The following FBN1 variants were observed in gnomAD, a reference collection of about 807,000 sequenced individuals.
FBN1 encodes fibrillin 1, also known as fibrillin-1.
Under a neutral mutation model 365.1 loss-of-function variants are expected in FBN1, and 29 were observed. The ratio of observed to expected loss-of-function variants is 0.08; its 90% CI spans 0.06 to 0.11. FBN1 has a LOEUF of 0.11. Ranked by LOEUF, FBN1 falls within the 10% of genes least tolerant of loss-of-function variation. The pLI is 1.00. For synonymous variants in FBN1, 1,210 were observed against 1,270.5 expected (o/e 0.95, Z 1.01); for missense variants, 2,476 against 3,703.2 (o/e 0.67, Z 8.60).
At chr15:48,504,551 T>C (rs73392194) in intron 16 of FBN1, among the ~76,000 whole-genome samples, 2,791 of 152,320 alleles carry the variant, frequency 0.018, 72 homozygotes, top group African/African-American at 0.059. Flanking sequence ...TTAAAAATAA[T>C]CTGGATAAAA....
chr15:48,586,272 G>C (rs1215691724), intron 6 of FBN1, among the ~76,000 whole-genome samples: 1 of 152,076 alleles, frequency 6.6e-6, no homozygotes, highest in Admixed American at 6.6e-5. Context: ...TGAAATGTGG[G>C]TGGGGTCCGG....
At chr15:48,461,279 A>G (rs560976987) in intron 42 of FBN1, among the ~76,000 whole-genome samples, 3 of 152,320 alleles carry the variant, frequency 2.0e-5, no homozygotes, top group South Asian at 4.1e-4. Context: ...TCCAACATCA[A>G]GAAGAAATCT....
At chr15:48,615,543 C>G (rs950857211) in intron 2 of FBN1, among the ~76,000 whole-genome samples, 2 of 151,814 alleles carry the variant, frequency 1.3e-5, no homozygotes, top group African/African-American at 4.8e-5. Flanking sequence ...TTACAATTTA[C>G]TATAGTTACA....
chr15:48,436,593 T>G (rs111419515), intron 53 of FBN1, among the ~76,000 whole-genome samples: 2,139 of 152,324 alleles, frequency 0.014, 54 homozygotes, highest in African/African-American at 0.05. Context: ...GATAAAATTT[T>G]TATTTGATAA....
chr15:48,416,203 T>G (rs2004947), intron 63 of FBN1, among the ~76,000 whole-genome samples: 4,714 of 152,302 alleles, frequency 0.031, 115 homozygotes, highest in East Asian at 0.081. Flanking sequence ...GCTTCACAAG[T>G]GCCCAGCGAG....
intron 29 of FBN1, 45 bp downstream of exon 29, chr15:48,487,021 AACATAAAAT>A: frequency 8.0e-7 from 1 of 1,248,810 alleles, no homozygotes. Flanking sequence ...AACATAACAT[AACATAAAAT>A]AAAGTAAAAT....
intron 6 of FBN1, among the ~76,000 whole-genome samples, chr15:48,557,598 C>T (rs368196109): frequency 2.6e-5 from 4 of 152,030 alleles, no homozygotes; most frequent in South Asian, 2.1e-4. Context: ...GGCGTGTCAG[C>T]GACAAAGTTG....
At chr15:48,456,568 C>T in intron 44 of FBN1, 69 bp downstream of exon 44, 1 of 1,515,396 alleles carries the variant, frequency 6.6e-7, no homozygotes, top group Non-Finnish European at 9.1e-7. Context: ...GTGAAATTCG[C>T]CAAGTGTGTA....
chr15:48,480,683 T>G (rs1039157841), intron 32 of FBN1, among the ~76,000 whole-genome samples: 2 of 152,166 alleles, frequency 1.3e-5, no homozygotes, highest in African/African-American at 4.8e-5. Flanking sequence ...TATGTTGATA[T>G]AATTAAGAGG....
At chr15:48,474,417 G>A in intron 33 of FBN1, 40 bp from the exon 34 acceptor site, 1 of 1,613,280 alleles carries the variant, frequency 6.2e-7, no homozygotes, top group Middle Eastern at 1.6e-4. Flanking sequence ...CAGAAAGGGT[G>A]GTATTTAAAA....
chr15:48,420,916 C>T, intron 62 of FBN1, 110 bp from the exon 63 acceptor site: 1 of 1,249,276 alleles, frequency 8.0e-7, no homozygotes, highest in Non-Finnish European at 1.1e-6. Flanking sequence ...TATTCTACCA[C>T]CAAAAACTTC....
intron 31 of FBN1, 87 bp from the exon 32 acceptor site, chr15:48,481,867 C>T: frequency 1.5e-6 from 2 of 1,335,744 alleles, no homozygotes; most frequent in Non-Finnish European, 2.1e-6. Context: ...ATGACAAATA[C>T]ATTAGAAAAG....
At chr15:48,530,553 C>T (rs962349092) in intron 8 of FBN1, among the ~76,000 whole-genome samples, 3 of 149,832 alleles carry the variant, frequency 2.0e-5, no homozygotes, top group African/African-American at 7.4e-5. Flanking sequence ...TGACCTTCAC[C>T]GCAGAGATTT....
chr15:48,481,894 C>G (rs1349247732), intron 31 of FBN1, 114 bp from the exon 32 acceptor site: 2 of 1,092,538 alleles, frequency 1.8e-6, no homozygotes, highest in African/African-American at 3.2e-5. Context: ...TGCTTTCCCT[C>G]AGAAAAACAA....
chr15:48,430,806 TA>T lies in FBN1; in HGVS notation c.6740-5del. ...CCCTCTTCACACTCATCCTCATCTG[TA>T]AAAAATGTACAATCACAAATTTGTC... is the stretch of plus-strand genomic sequence containing the variant. On this transcript the variant is annotated splice_polypyrimidine_tract_variant and splice_region_variant and intron_variant, in intron 55 of 65. Coordinates refer to ENST00000316623, the MANE Select transcript of FBN1 (RefSeq NM_000138.5). The T allele has an allele frequency of 6.2e-7, 1 of 1,613,372 alleles. No individual in the cohort carries two copies. The highest frequency in any genetic ancestry group is 8.5e-7 in the Non-Finnish European group (1 of 1,179,664).
chr15:48,429,206 A>G (rs894196313), intron 56 of FBN1, among the ~76,000 whole-genome samples: 8 of 152,238 alleles, frequency 5.3e-5, no homozygotes, highest in Admixed American at 5.2e-4. Flanking sequence ...TGTGAATATC[A>G]GCATATGAAA....
intron 38 of FBN1, among the ~76,000 whole-genome samples, chr15:48,466,872 A>G (rs937130725): frequency 6.6e-6 from 1 of 151,818 alleles, no homozygotes; most frequent in African/African-American, 2.4e-5. Flanking sequence ...TCATGTCACA[A>G]CCTTCTTGAA....
intron 2 of FBN1, among the ~76,000 whole-genome samples, chr15:48,620,489 C>T (rs1241646801): frequency 6.6e-6 from 1 of 152,166 alleles, no homozygotes; most frequent in Non-Finnish European, 1.5e-5. Context: ...ATTAATCCAT[C>T]TAAATTCATA....
chr15:48,521,809 A>C (rs1203203735), intron 9 of FBN1, among the ~76,000 whole-genome samples: 1 of 152,260 alleles, frequency 6.6e-6, no homozygotes, highest in African/African-American at 2.4e-5. Context: ...ATATAAAATT[A>C]AATTTTGAAA....
Sources: allele counts gnomAD v4.1 joint callset (sites outside exome capture counted in the v4.1 genomes callset), GRCh38; gene constraint gnomAD v4.1.1; transcripts MANE v1.5; gene names NCBI Gene and HGNC (gene_info 2026-07-23, HGNC 2026-07-21).